Variants in CCDC148 observed in about 807,000 individuals in gnomAD.
CCDC148 encodes coiled-coil domain-containing protein 148.
In CCDC148, 89 loss-of-function variants were observed where a neutral mutation model predicts 85.7. The observed-to-expected ratio is 1.04, with a 90% CI of 0.87 to 1.24. The LOEUF (loss-of-function observed/expected upper bound fraction) is 1.24, where lower values mean the gene tolerates loss of function less well. Among genes scored for constraint, CCDC148 ranks in the 50% most tolerant of loss-of-function variants. CCDC148 has a pLI of 0.00. For synonymous variants in CCDC148, 230 were observed against 213.9 expected, an observed-to-expected ratio of 1.08 and a Z score of -0.66; for missense variants, 692 against 671.7, an observed-to-expected ratio of 1.03 and a Z score of -0.33.
chr2:158,248,434 A>G (rs1348910414), intron 10 of CCDC148, among the ~76,000 whole-genome samples: 1 of 152,204 alleles, frequency 6.6e-6, no homozygotes. Flanking sequence ...TAAATGAAAA[A>G]GTATTTTAAA....
intron 1 of CCDC148, among the ~76,000 whole-genome samples, chr2:158,382,824 G>A (rs776424798): frequency 6.6e-6 from 1 of 151,970 alleles, no homozygotes; most frequent in Non-Finnish European, 1.5e-5. Flanking sequence ...GGGAGGCTGA[G>A]GCAGGAGAAT....
chr2:158,318,303 T>C (rs1039999304), intron 7 of CCDC148, among the ~76,000 whole-genome samples: 2 of 152,190 alleles, frequency 1.3e-5, no homozygotes, highest in Admixed American at 6.5e-5. Context: ...AGTCCCTGGC[T>C]CTACCAGTCT....
At chr2:158,417,001 A>T (rs1686530615) in intron 1 of CCDC148, among the ~76,000 whole-genome samples, 3 of 152,202 alleles carry the variant, frequency 2.0e-5, no homozygotes, top group Admixed American at 2.0e-4. Flanking sequence ...ACATGGCTGG[A>T]GCAGGAGGAA....
At chr2:158,413,596 C>A (rs948356319) in intron 1 of CCDC148, among the ~76,000 whole-genome samples, 9 of 100,278 alleles carry the variant, frequency 9.0e-5, no homozygotes, top group Admixed American at 7.2e-4. Flanking sequence ...ACATTTTTTT[C>A]TCTTGCCTTT....
intron 1 of CCDC148, among the ~76,000 whole-genome samples, chr2:158,409,505 T>A (rs1245790380): frequency 6.6e-6 from 1 of 152,232 alleles, no homozygotes; most frequent in Non-Finnish European, 1.5e-5. Flanking sequence ...AGCCCCTTTG[T>A]TTTAGCCAAT....
chr2:158,372,935 C>A (rs2105281406), intron 1 of CCDC148, among the ~76,000 whole-genome samples: 1 of 152,152 alleles, frequency 6.6e-6, no homozygotes, highest in African/African-American at 2.4e-5. Context: ...AATAGTGCCC[C>A]AAAGATGTCC....
chr2:158,302,275 C>A (rs894106086), intron 9 of CCDC148, among the ~76,000 whole-genome samples: 2 of 152,060 alleles, frequency 1.3e-5, no homozygotes, highest in African/African-American at 4.8e-5. Context: ...TAGGAGGTGG[C>A]TTGTCTCCTG....
intron 9 of CCDC148, among the ~76,000 whole-genome samples, chr2:158,293,342 C>T (rs1001969516): frequency 6.6e-6 from 1 of 152,208 alleles, no homozygotes; most frequent in Admixed American, 6.5e-5. Flanking sequence ...TGTCTGCACA[C>T]TAGGTTGCAC....
At chr2:158,173,050 A>G (rs1227612920) in intron 13 of CCDC148, among the ~76,000 whole-genome samples, 1 of 152,078 alleles carries the variant, frequency 6.6e-6, no homozygotes, top group Non-Finnish European at 1.5e-5. Flanking sequence ...ATGTACACAG[A>G]TAACTACAGA....
intron 1 of CCDC148, among the ~76,000 whole-genome samples, chr2:158,446,034 A>G (rs1314717530): frequency 6.6e-6 from 1 of 152,200 alleles, no homozygotes; most frequent in Non-Finnish European, 1.5e-5. Flanking sequence ...GGCTTTATGT[A>G]ATCAACTATG....
At chr2:158,311,899 A>G (rs1020695009) in intron 8 of CCDC148, among the ~76,000 whole-genome samples, 1 of 152,196 alleles carries the variant, frequency 6.6e-6, no homozygotes, top group Non-Finnish European at 1.5e-5. Context: ...ATCCATGGGA[A>G]TTAGCAGTCT....
intron 9 of CCDC148, among the ~76,000 whole-genome samples, chr2:158,262,231 G>A (rs1393979789): frequency 6.6e-6 from 1 of 151,922 alleles, no homozygotes. Context: ...TGGAGCTGGA[G>A]GGTATTATCC....
At chr2:158,375,404 T>C (rs1427178509) in intron 1 of CCDC148, among the ~76,000 whole-genome samples, 3 of 152,118 alleles carry the variant, frequency 2.0e-5, no homozygotes, top group African/African-American at 7.2e-5. Context: ...TGGTCACAAA[T>C]GCATTGTCTT....
chr2:158,180,474 G>C (rs1684844184), intron 11 of CCDC148, among the ~76,000 whole-genome samples: 1 of 152,138 alleles, frequency 6.6e-6, no homozygotes, highest in Non-Finnish European at 1.5e-5. Flanking sequence ...GCTAAACTTA[G>C]CAAGAGCTTC....
chr2:158,412,826 TTTATTATTATTA>T (rs70994204), intron 1 of CCDC148, among the ~76,000 whole-genome samples: 5,107 of 138,880 alleles, frequency 0.037, 159 homozygotes, highest in Middle Eastern at 0.077. Context: ...AATATAAGTA[TTTATTATTATTA>T]TTATTATTAT....
At chr2:158,202,871 T>A (rs975046077) in intron 11 of CCDC148, among the ~76,000 whole-genome samples, 1 of 152,202 alleles carries the variant, frequency 6.6e-6, no homozygotes, top group African/African-American at 2.4e-5. Flanking sequence ...AAACTTAAAA[T>A]TGAATCTTTG....
At chr2:158,237,795 AC>A (rs1688173732) in intron 10 of CCDC148, among the ~76,000 whole-genome samples, 1 of 152,082 alleles carries the variant, frequency 6.6e-6, no homozygotes, top group South Asian at 2.1e-4. Context: ...GAGAGGACTG[AC>A]CCCCACCCTG....
intron 12 of CCDC148, chr2:158,178,049 C>T (rs1017338419): frequency 6.0e-4 from 92 of 152,160 alleles, no homozygotes; most frequent in African/African-American, 2.0e-3. Flanking sequence ...TCCTATTATT[C>T]CCATTTTTCA....
At chr2:158,273,992 T>C (rs1038625003) in intron 9 of CCDC148, among the ~76,000 whole-genome samples, 2 of 152,152 alleles carry the variant, frequency 1.3e-5, no homozygotes, top group African/African-American at 4.8e-5. Context: ...GAGCCAAGGG[T>C]TACTGGCCTC....
Sources: allele counts gnomAD v4.1 joint callset (sites outside exome capture counted in the v4.1 genomes callset), GRCh38; gene constraint gnomAD v4.1.1; transcripts MANE v1.5; gene names NCBI Gene and HGNC (gene_info 2026-07-23, HGNC 2026-07-21).